The following PCDHGB5 variants were observed in gnomAD, a reference collection of about 807,000 sequenced individuals.
PCDHGB5 encodes protocadherin gamma-B5.
Under a neutral mutation model 62.9 loss-of-function variants are expected in PCDHGB5, and 48 were observed. The observed-to-expected ratio is 0.76, with a 90% CI of 0.61 to 0.97. The LOEUF is 0.97. PCDHGB5 is among the 50% of genes least tolerant of loss of function. The probability of loss-of-function intolerance (pLI) is 0.00; values close to 1 mark genes in which losing one functional copy is unlikely to be tolerated. For synonymous variants in PCDHGB5, 474 were observed against 511.2 expected (o/e 0.93, Z 0.98); for missense variants, 1,118 against 1,198.6 (o/e 0.93, Z 0.99).
intron 2 of PCDHGB5, among the ~76,000 whole-genome samples, chr5:141,500,928 G>A (rs2099803943): frequency 6.6e-6 from 1 of 151,476 alleles, no homozygotes; most frequent in African/African-American, 2.4e-5. Context: ...GGGTGCAGTG[G>A]CGCCATCTCG....
chr5:141,460,296 C>T (rs1443273958), intron 1 of PCDHGB5, among the ~76,000 whole-genome samples: 1 of 151,924 alleles, frequency 6.6e-6, no homozygotes, highest in Non-Finnish European at 1.5e-5. Context: ...TTCTTATGTC[C>T]TATTCAAAAA....
Position 141,477,662 on chromosome 5 carries a change from A to G in PCDHGB5, c.2398-17145A>G. On this transcript the variant is annotated intron_variant, in intron 1 of 3. Transcript: ENST00000617380. The surrounding 1 kb of genome is among the most constrained non-coding windows in gnomAD (Gnocchi z 4.9). ...TCGCTATTTCACAATAAATCGTGAC[A>G]ATGGCATAGTGTCATCCTTAGTGCC... The G allele has an allele frequency of 6.2e-7, 1 of 1,614,222 alleles. No individual in the cohort carries two copies.
chr5:141,463,764 G>A (rs2099069094), intron 1 of PCDHGB5, among the ~76,000 whole-genome samples: 1 of 151,916 alleles, frequency 6.6e-6, no homozygotes. Flanking sequence ...TTCTCTTATG[G>A]GTTAGAATCC....
chr5:141,486,559 G>A lies in PCDHGB5; in HGVS notation c.2398-8248G>A. ...CTTTCTTTCAGAGGTCACATGAGGTGTTTGTTCCTGAGAACAATCGCCCAG... is the reference window on the plus strand; with the variant it reads ...CTTTCTTTCAGAGGTCACATGAGGTATTTGTTCCTGAGAACAATCGCCCAG... On this transcript the variant is annotated intron_variant, in intron 1 of 3. Transcript: ENST00000617380. This position sits in a 1 kb window ranked among gnomAD's most constrained non-coding sequence, Gnocchi z 5.0. 6.2e-7 allele frequency: 1 copy of A among 1,614,032 alleles called. No individual in the cohort carries two copies. Among genetic ancestry groups the A allele is most frequent in the Non-Finnish European group, 8.5e-7 (1 of 1,180,022 alleles).
intron 1 of PCDHGB5, among the ~76,000 whole-genome samples, chr5:141,465,824 T>A (rs1447359333): frequency 6.6e-6 from 1 of 152,076 alleles, no homozygotes; most frequent in Non-Finnish European, 1.5e-5. Context: ...ATCACATTTG[T>A]TTAAAATTTC....
At chr5:141,453,482 A>T (rs979979155) in intron 1 of PCDHGB5, among the ~76,000 whole-genome samples, 1 of 151,990 alleles carries the variant, frequency 6.6e-6, no homozygotes, top group Non-Finnish European at 1.5e-5. Context: ...CAAAACTATT[A>T]AAAAAAGGTG....
chr5:141,422,909 C>T (rs1260941191), intron 1 of PCDHGB5: 1 of 1,614,252 alleles, frequency 6.2e-7, no homozygotes, highest in East Asian at 2.2e-5. Flanking sequence ...GACAATGCGC[C>T]CGAGATCCTG....
chr5:141,460,416 A>C (rs966481039), intron 1 of PCDHGB5, among the ~76,000 whole-genome samples: 1 of 152,138 alleles, frequency 6.6e-6, no homozygotes, highest in African/African-American at 2.4e-5. Flanking sequence ...GTTGATGTTT[A>C]TGTATGGTGT....
At chr5:141,422,090 AGGCTTCTGAAATATTCCAATT>A (rs1561798894) in intron 1 of PCDHGB5, 11 of 1,611,852 alleles carry the variant, frequency 6.8e-6, no homozygotes, top group Non-Finnish European at 9.3e-6. Flanking sequence ...ATGGAAAGCA[AGGCTTCTGAAATATTCCAATT>A]GGATTCACAA....
chr5:141,414,255 G>A (rs776584940), intron 1 of PCDHGB5: 12 of 1,613,350 alleles, frequency 7.4e-6, no homozygotes, highest in Non-Finnish European at 1.0e-5. Flanking sequence ...TTAGTCCAGT[G>A]ACTGAAGATT....
chr5:141,486,153 C>A lies in PCDHGB5; in HGVS notation c.2398-8654C>A, dbSNP rs1330257915. On this transcript the variant is annotated intron_variant, in intron 1 of 3. Coordinates refer to ENST00000617380, the MANE Select transcript of PCDHGB5 (RefSeq NM_018925.3). This position sits in a 1 kb window ranked among gnomAD's most constrained non-coding sequence, Gnocchi z 5.0. ...GATGTGCGGGCTCGCGATGGGGGTTCTCCAGCCATGGAGCAACATTGCAGC... is the reference window on the plus strand; with the variant it reads ...GATGTGCGGGCTCGCGATGGGGGTTATCCAGCCATGGAGCAACATTGCAGC... 6.2e-7 allele frequency: 1 copy of A among 1,614,202 alleles called. No individual in the cohort carries two copies. The highest frequency in any genetic ancestry group is 1.7e-5 in the Admixed American group (1 of 60,022).
chr5:141,465,968 A>G (rs2099113507), intron 1 of PCDHGB5, among the ~76,000 whole-genome samples: 3 of 151,940 alleles, frequency 2.0e-5, no homozygotes, highest in Admixed American at 6.6e-5. Flanking sequence ...TAAAAATACA[A>G]AAAATTAGCC....
At chr5:141,510,134 C>T (rs1273076437) in intron 3 of PCDHGB5, among the ~76,000 whole-genome samples, 1 of 152,064 alleles carries the variant, frequency 6.6e-6, no homozygotes, top group East Asian at 1.9e-4. Context: ...ATTAGCTGGG[C>T]TAGTGGTGTG....
intron 1 of PCDHGB5, chr5:141,405,435 T>TAG: frequency 6.8e-7 from 1 of 1,463,324 alleles, no homozygotes; most frequent in Non-Finnish European, 9.3e-7. Flanking sequence ...TTGTTTTGTT[T>TAG]TTGAGACAGA....
intron 1 of PCDHGB5, among the ~76,000 whole-genome samples, chr5:141,472,178 A>G (rs1337942457): frequency 6.6e-6 from 1 of 152,210 alleles, no homozygotes; most frequent in African/African-American, 2.4e-5. Flanking sequence ...AATATCCAGT[A>G]TTGGAATTTG....
At chr5:141,459,891 CT>C (rs1405964049) in intron 1 of PCDHGB5, among the ~76,000 whole-genome samples, 1 of 152,158 alleles carries the variant, frequency 6.6e-6, no homozygotes, top group African/African-American at 2.4e-5. Flanking sequence ...TGAACGCCTT[CT>C]TAAAATTGAG....
intron 3 of PCDHGB5, among the ~76,000 whole-genome samples, chr5:141,506,132 G>T (rs114930087): frequency 1.2e-4 from 18 of 152,310 alleles, no homozygotes; most frequent in African/African-American, 4.3e-4. Context: ...CAGAGCAGGA[G>T]AAGAAGAATA....
In PCDHGB5 at chr5:141,398,740, CAG is replaced by C. The variant is rs759927246; in HGVS notation, c.616_617del (p.Ser206LeufsTer21). On this transcript the variant is annotated frameshift_variant, in exon 1 of 4. Transcript: ENST00000617380. LOFTEE classifies it high-confidence loss of function. ...GGAGAAAACCTTAGACCGGGAACAA[CAG>C]AGTTACCATCGTTTAGTCCTGACTG... ...ALEKTLDREQ[Q>X]SYHRLVLTAL... The C allele has an allele frequency of 6.8e-6, 11 of 1,613,746 alleles. No individual in the cohort carries two copies. Among genetic ancestry groups the C allele is most frequent in the Non-Finnish European group, 1.7e-6 (2 of 1,179,916 alleles).
intron 1 of PCDHGB5, chr5:141,415,738 AGGTTTTTT>A: frequency 1.9e-6 from 1 of 538,082 alleles, no homozygotes; most frequent in Non-Finnish European, 2.7e-6. Flanking sequence ...ATGTTTATTA[AGGTTTTTT>A]TTTTTTTTTT....
Sources: gnomAD v4.1 joint callset for allele counts (sites outside exome capture counted in the v4.1 genomes callset) on GRCh38, gnomAD v4.1.1 for gene constraint, Gnocchi (gnomAD v3.1) non-coding constraint, MANE v1.5 for transcripts, NCBI Gene and HGNC (gene_info 2026-07-23, HGNC 2026-07-21) for gene names.